The following TSPAN18 variants were observed in gnomAD, a reference collection of about 807,000 sequenced individuals.
TSPAN18 encodes tetraspanin-18.
A neutral mutation model predicts 27.3 loss-of-function variants in TSPAN18; 14 were observed. The observed-to-expected ratio is 0.51, with a 90% CI of 0.34 to 0.80. The LOEUF (loss-of-function observed/expected upper bound fraction) is 0.80, where lower values mean the gene tolerates loss of function less well. TSPAN18 is among the 30% of genes least tolerant of loss of function. The pLI is 0.01. For synonymous variants in TSPAN18, 143 were observed against 136.5 expected, an observed-to-expected ratio of 1.05 and a Z score of -0.33; for missense variants, 268 against 323.9, an observed-to-expected ratio of 0.83 and a Z score of 1.32.
intron 2 of TSPAN18, among the ~76,000 whole-genome samples, chr11:44,768,130 T>G (rs1317247075): frequency 1.3e-5 from 2 of 152,232 alleles, no homozygotes; most frequent in Non-Finnish European, 2.9e-5. Flanking sequence ...TTTGTTGATA[T>G]CCATAAAACA....
chr11:44,892,465 C>T (rs138913407), intron 3 of TSPAN18, among the ~76,000 whole-genome samples: 1 of 152,244 alleles, frequency 6.6e-6, no homozygotes, highest in Admixed American at 6.5e-5. Flanking sequence ...TGTGCTCCCC[C>T]CAATTTCAAA....
At position 44,896,642 on chromosome 11, in the gene TSPAN18, A is replaced by T. The variant is rs561840727; in HGVS notation, c.-10-9765A>T. On this transcript the variant is annotated intron_variant, in intron 3 of 9. Transcript: ENST00000520358. ...TCCATCTTCCCATCTCTACCTCTGC[A>T]CTCCCCCAAGACTAGCCTTCACCAT... Among the ~76,000 whole-genome samples, 6 of 150,928 alleles carry T rather than the reference A, an allele frequency of 4.0e-5. No homozygotes were observed. In the South Asian group the frequency reaches 1.3e-3, roughly 32 times the overall value.
intron 3 of TSPAN18, among the ~76,000 whole-genome samples, chr11:44,876,648 G>C (rs1858341170): frequency 6.6e-6 from 1 of 152,146 alleles, no homozygotes; most frequent in Non-Finnish European, 1.5e-5. Flanking sequence ...GGGTTTAAGT[G>C]GTGGGTGGCT....
At chr11:44,741,031 G>A (rs551655418) in intron 1 of TSPAN18, among the ~76,000 whole-genome samples, 187 of 152,310 alleles carry the variant, frequency 1.2e-3, no homozygotes, top group African/African-American at 4.3e-3. Context: ...GGGGCTGCTT[G>A]TTCTCCTTTT....
intron 3 of TSPAN18, among the ~76,000 whole-genome samples, chr11:44,876,737 G>C (rs1858343480): frequency 6.6e-6 from 1 of 152,186 alleles, no homozygotes; most frequent in African/African-American, 2.4e-5. Context: ...TGAGTATGAA[G>C]AATAAGATAA....
At chr11:44,925,150 T>C (rs914703858) in intron 8 of TSPAN18, among the ~76,000 whole-genome samples, 2 of 152,226 alleles carry the variant, frequency 1.3e-5, no homozygotes, top group African/African-American at 4.8e-5. Flanking sequence ...AGACCTTTTC[T>C]CCTTGTCATC....
intron 2 of TSPAN18, among the ~76,000 whole-genome samples, chr11:44,841,670 G>A (rs1174945586): frequency 3.9e-5 from 6 of 152,162 alleles, no homozygotes; most frequent in South Asian, 2.1e-4. Flanking sequence ...AGCTGACCAC[G>A]CAGAGCTAGG....
intron 4 of TSPAN18, 36 bp downstream of exon 4, chr11:44,906,515 G>C: frequency 6.3e-7 from 1 of 1,584,500 alleles, no homozygotes; most frequent in Non-Finnish European, 8.7e-7. Flanking sequence ...CCTCTGCTGG[G>C]TGGGCAGAAC....
At chr11:44,751,769 A>G (rs1188530479) in intron 1 of TSPAN18, among the ~76,000 whole-genome samples, 1 of 152,038 alleles carries the variant, frequency 6.6e-6, no homozygotes, top group Non-Finnish European at 1.5e-5. Flanking sequence ...TCTACTAAAA[A>G]TACAAAAATT....
At chr11:44,826,806 C>T (rs1857052259) in intron 2 of TSPAN18, among the ~76,000 whole-genome samples, 1 of 152,124 alleles carries the variant, frequency 6.6e-6, no homozygotes, top group Admixed American at 6.5e-5. Context: ...CTGAGTCAGC[C>T]GTAGTGTGGG....
At chr11:44,897,458 C>T (rs1349233470) in intron 3 of TSPAN18, among the ~76,000 whole-genome samples, 5 of 152,154 alleles carry the variant, frequency 3.3e-5, no homozygotes, top group African/African-American at 9.7e-5. Context: ...CATGTGCAGC[C>T]GTGTCAGCAT....
intron 2 of TSPAN18, among the ~76,000 whole-genome samples, chr11:44,810,846 T>C (rs1856698576): frequency 3.3e-5 from 5 of 152,076 alleles, no homozygotes; most frequent in Admixed American, 3.3e-4. Context: ...TGGGCTCAAG[T>C]GATCTGCCCG....
intron 1 of TSPAN18, among the ~76,000 whole-genome samples, chr11:44,763,139 T>G (rs190503132): frequency 1.8e-4 from 28 of 152,320 alleles, no homozygotes; most frequent in African/African-American, 6.5e-4. Context: ...GGGCATCAGG[T>G]TGATCATCAT....
At chr11:44,796,679 A>T (rs1412817659) in intron 2 of TSPAN18, among the ~76,000 whole-genome samples, 1 of 152,152 alleles carries the variant, frequency 6.6e-6, no homozygotes, top group Non-Finnish European at 1.5e-5. Context: ...AAGGACAAGG[A>T]TAGCCTCAGT....
At chr11:44,776,292 C>T (rs996712887) in intron 2 of TSPAN18, among the ~76,000 whole-genome samples, 1 of 152,230 alleles carries the variant, frequency 6.6e-6, no homozygotes, top group African/African-American at 2.4e-5. Context: ...GCCCGAGTCA[C>T]ATCTGGCTGG....
intron 2 of TSPAN18, among the ~76,000 whole-genome samples, chr11:44,835,570 C>T (rs1024612851): frequency 2.0e-5 from 3 of 151,264 alleles, no homozygotes; most frequent in African/African-American, 7.3e-5. Flanking sequence ...TGCAACCCAG[C>T]TTGGATCAAG....
At chr11:44,843,821 A>C (rs1857425929) in intron 2 of TSPAN18, among the ~76,000 whole-genome samples, 1 of 152,238 alleles carries the variant, frequency 6.6e-6, no homozygotes, top group Non-Finnish European at 1.5e-5. Flanking sequence ...CAGCAGTCAG[A>C]GTTTAAGGTT....
In TSPAN18 at chr11:44,892,237, C is replaced by G. The variant is rs374458351; in HGVS notation, c.-10-14170C>G. ...GCCTTTCCCCAGATCACCAGTTTGG[C>G]TGCCAGGCACCTTTCCTGCAGGGCT... On this transcript the variant is annotated intron_variant, in intron 3 of 9. Coordinates refer to ENST00000520358, the MANE Select transcript of TSPAN18 (RefSeq NM_130783.5). Among the ~76,000 whole-genome samples, 10 of 152,222 alleles carry G rather than the reference C, an allele frequency of 6.6e-5. No individual in the cohort carries two copies. The East Asian group carries it at 1.7e-3, about 26-fold the overall frequency.
In TSPAN18 at chr11:44,919,956, G is replaced by A. The variant is rs372441531; in HGVS notation, c.572G>A (p.Arg191Gln). The A allele has an allele frequency of 1.8e-5, 29 of 1,614,008 alleles. No individual in the cohort carries two copies. Among genetic ancestry groups the A allele is most frequent in the East Asian group, 2.2e-5 (1 of 44,894 alleles). Reference sequence around the variant, plus strand: ...AGTCGGGACGGGGTCCTGCTGAGCCGGGAGGAGTGCCTCCTGGGAAGGAGC... The same window carrying A: ...AGTCGGGACGGGGTCCTGCTGAGCCAGGAGGAGTGCCTCCTGGGAAGGAGC... ...PQSRDGVLLS[R>Q]EECLLGRSLF... is the part of the protein sequence containing the mutation. The change falls in exon 8 of 10, where the codon CGG becomes CAG. Residue 191 changes from arginine to glutamine, a missense_variant. Physicochemically the swap from Arg to Gln is conservative, Grantham distance 43 (BLOSUM62 1). Coordinates refer to ENST00000520358, the MANE Select transcript of TSPAN18 (RefSeq NM_130783.5).
Sources: gnomAD v4.1 joint callset for allele counts (sites outside exome capture counted in the v4.1 genomes callset) on GRCh38, gnomAD v4.1.1 for gene constraint, MANE v1.5 for transcripts, NCBI Gene and HGNC (gene_info 2026-07-23, HGNC 2026-07-21) for gene names.